The following ATM variants were observed in gnomAD, a reference collection of about 807,000 sequenced individuals.
ATM encodes the protein serine-protein kinase ATM.
A neutral mutation model predicts 387.0 loss-of-function variants in ATM; 308 were observed. That is an observed-to-expected ratio of 0.80 (90% CI 0.73 to 0.87). The LOEUF (loss-of-function observed/expected upper bound fraction) is 0.87. Among genes scored for constraint, ATM ranks in the 40% least tolerant of loss-of-function variants. The pLI, the probability that ATM is intolerant of heterozygous loss-of-function variation, is 0.00. For synonymous variants in ATM, 1,156 were observed against 1,187.3 expected (o/e 0.97, Z 0.54); for missense variants, 3,312 against 3,560.9 (o/e 0.93, Z 1.78).
intron 59 of ATM, among the ~76,000 whole-genome samples, chr11:108,350,950 T>A (rs2089131454): frequency 6.6e-6 from 1 of 152,198 alleles, no homozygotes; most frequent in Admixed American, 6.5e-5. Context: ...AATGCATACA[T>A]ATGTATAAAA....
At position 108,283,775 on chromosome 11, in the gene ATM, T is replaced by C. The variant is rs183464169; in HGVS notation, c.3747-452T>C. 7.2e-5 allele frequency among the ~76,000 whole-genome samples: 11 copies of C among 152,330 alleles called. No homozygotes were observed. In the East Asian group the frequency reaches 1.9e-3, roughly 27 times the overall value. ...ACGTATATGAAAAGTCAGTCCTCTG[T>C]ATATACAGACTTTCACATCCTGTGA... is the stretch of plus-strand genomic sequence containing the variant. On this transcript the variant is annotated intron_variant, in intron 25 of 62. Transcript: ENST00000675843.
At position 108,295,026 on chromosome 11, in the gene ATM, G is replaced by T. The variant is rs990760230; in HGVS notation, c.4876G>T (p.Asp1626Tyr). The T allele has an allele frequency of 6.2e-7, 1 of 1,613,818 alleles. No individual in the cohort carries two copies. Among genetic ancestry groups the T allele is most frequent in the African/African-American group, 1.3e-5 (1 of 74,916 alleles). ...DLRRQLELHK[D>Y]QMVDIMRASQ... is the part of the protein sequence containing the mutation. The stretch of plus-strand genomic sequence containing the variant: ...TCGAAGACAACTGGAACTACATAAA[G>T]ATCAGATGGTGGACATTATGAGAGC... Residue 1626 changes from aspartate (D) to tyrosine (Y), a missense_variant, in exon 32 of 63, where the codon GAT (aspartate) becomes TAT (tyrosine). Physicochemically the swap from Asp to Tyr is radical, Grantham distance 160. This residue lies in a region of ATM where 1,405 missense variants were observed against 1,604.4 expected (regional missense o/e 0.88). Coordinates refer to ENST00000675843, the MANE Select transcript of ATM (RefSeq NM_000051.4).
chr11:108,308,141 G>A, intron 38 of ATM, 157 bp downstream of exon 38: 1 of 743,862 alleles, frequency 1.3e-6, no homozygotes, highest in Non-Finnish European at 2.3e-6. Flanking sequence ...TCCATATTCA[G>A]GATAGCAGTT....
In ATM at chr11:108,256,208, C is replaced by CT. The variant is rs2135391852; in HGVS notation, c.2125-4dup. 7 of 1,598,706 alleles carry CT rather than the reference C, an allele frequency of 4.4e-6. No homozygotes were observed. The highest frequency in any genetic ancestry group is 2.3e-5 in the East Asian group (1 of 44,376). On this transcript the variant is annotated splice_region_variant and splice_polypyrimidine_tract_variant and intron_variant, in intron 13 of 62. Transcript: ENST00000675843. ...TATATATATTTTTATTTGTGGTTTA[C>CT]TTTAAGATTACAAATTCAGAAACTC...
chr11:108,224,857 T>G (rs1565339533), intron 1 of ATM: 1 of 152,254 alleles, frequency 6.6e-6, no homozygotes, highest in Admixed American at 6.5e-5. Context: ...GCTGCCCAGA[T>G]ATGACTTCAT....
rs2084522356 is a variant in ATM at position 108,315,274 on chromosome 11, A to G, written c.6007-549A>G. 2.6e-5 allele frequency among the ~76,000 whole-genome samples: 4 copies of G among 152,264 alleles called. No individual in the cohort carries two copies. In the South Asian group the frequency reaches 6.2e-4, roughly 24 times the overall value. ...TTATTACAATAGTACAATATGTACG[A>G]TAGTTAATCTTATGCAATTATGATT... On this transcript the variant is annotated intron_variant, in intron 40 of 62. Coordinates refer to ENST00000675843, the MANE Select transcript of ATM (RefSeq NM_000051.4).
At chr11:108,284,516 A>G (rs2082393154) in intron 26 of ATM, 43 bp downstream of exon 26, 1 of 1,607,788 alleles carries the variant, frequency 6.2e-7, no homozygotes, top group Non-Finnish European at 8.5e-7. Context: ...CCTGAATGAT[A>G]TGAGATATAA....
In ATM at chr11:108,253,908, A is replaced by C. The variant is rs1060501645; in HGVS notation, c.1993A>C (p.Ile665Leu). 2 of 1,614,112 alleles carry C rather than the reference A, an allele frequency of 1.2e-6. No homozygotes were observed. The highest frequency in any genetic ancestry group is 1.7e-6 in the Non-Finnish European group (2 of 1,179,982). Residue 665 changes from isoleucine to leucine, a missense_variant, in exon 13 of 63, where the codon ATT becomes CTT. Physicochemically the swap from Ile to Leu is conservative, Grantham distance 5. Coordinates refer to ENST00000675843, the MANE Select transcript of ATM (RefSeq NM_000051.4). ...TTTTGACAAGATGGACTTTTTAACC[A>C]TTGTGAGAGAATGTGGTATAGAAAA... is the stretch of plus-strand genomic sequence containing the variant. ...TTFDKMDFLT[I>L]VRECGIEKHQ...
At chr11:108,267,419 T>A (rs1049901019) in intron 17 of ATM, 77 bp downstream of exon 17, 4 of 1,336,162 alleles carry the variant, frequency 3.0e-6, no homozygotes, top group Non-Finnish European at 2.1e-6. Flanking sequence ...CTCATTGATA[T>A]CAATTTTGTG....
chr11:108,325,256 T>C (rs919555770), intron 45 of ATM, 54 bp from the exon 46 acceptor site: 8 of 1,033,054 alleles, frequency 7.7e-6, no homozygotes, highest in African/African-American at 1.7e-5. Flanking sequence ...ATAGTTTTTT[T>C]TTTTTTTTTT....
intron 56 of ATM, among the ~76,000 whole-genome samples, chr11:108,341,965 G>C (rs227073): frequency 0.51 from 77,232 of 152,044 alleles, 20,838 homozygotes; most frequent in Middle Eastern, 0.73. Flanking sequence ...TTAAATTCCT[G>C]GGTATATACC....
At chr11:108,282,001 T>C (rs1458862700) in intron 24 of ATM, among the ~76,000 whole-genome samples, 1 of 152,214 alleles carries the variant, frequency 6.6e-6, no homozygotes, top group African/African-American at 2.4e-5. Flanking sequence ...GGTCTCACTC[T>C]GTCACCCAAG....
At chr11:108,254,116 C>T in intron 13 of ATM, 77 bp downstream of exon 13, 1 of 1,373,746 alleles carries the variant, frequency 7.3e-7, no homozygotes, top group Non-Finnish European at 1.0e-6. Flanking sequence ...GAAATAGGGG[C>T]AGGAAAAACA....
At position 108,310,246 on chromosome 11, in the gene ATM, C is replaced by G. The variant is rs1591746083; in HGVS notation, c.5849C>G (p.Ala1950Gly). The G allele has an allele frequency of 6.2e-7, 1 of 1,613,486 alleles. No homozygotes were observed. Among genetic ancestry groups the G allele is most frequent in the South Asian group, 1.1e-5 (1 of 91,072 alleles). ...EVAKVAQSCA[A>G]HFTALLYAEI... ...GCCAAGGTAGCTCAGTCTTGTGCTG[C>G]TCACTTTACAGCTTTACTCTATGCA... Residue 1950 changes from alanine to glycine, a missense_variant, in exon 39 of 63, where the codon GCT becomes GGT. Ala to Gly is a moderately conservative substitution (Grantham distance 60). This residue lies in a region of ATM where 1,405 missense variants were observed against 1,604.4 expected (regional missense o/e 0.88). Coordinates refer to ENST00000675843, the MANE Select transcript of ATM (RefSeq NM_000051.4).
intron 53 of ATM, among the ~76,000 whole-genome samples, chr11:108,333,672 T>A (rs2086520462): frequency 6.6e-6 from 1 of 152,230 alleles, no homozygotes; most frequent in Non-Finnish European, 1.5e-5. Context: ...CCTTGTCAGG[T>A]AACCTGCAAA....
chr11:108,323,494 A>G (rs1431923276), intron 45 of ATM, among the ~76,000 whole-genome samples: 1 of 152,196 alleles, frequency 6.6e-6, no homozygotes, highest in Non-Finnish European at 1.5e-5. Context: ...ATAGCACAAT[A>G]GGGCAACTGT....
intron 4 of ATM, among the ~76,000 whole-genome samples, chr11:108,231,865 G>GGATA (rs1204343335): frequency 6.6e-6 from 1 of 152,130 alleles, no homozygotes; most frequent in Non-Finnish European, 1.5e-5. Flanking sequence ...GAGTTCGTGT[G>GGATA]GATAGCTTCA....
chr11:108,322,794 T>C lies in ATM; in HGVS notation c.6572+1374T>C, dbSNP rs2085330131. 3.3e-5 allele frequency among the ~76,000 whole-genome samples: 5 copies of C among 152,088 alleles called. No homozygotes were observed. The South Asian group carries it at 6.2e-4, about 19-fold the overall frequency. ...TTTTCCCTGGCCCACCCAGATAAAATTGTTTCCTCATGTTTTTGCACAGCA... is the reference window on the plus strand; with the variant it reads ...TTTTCCCTGGCCCACCCAGATAAAACTGTTTCCTCATGTTTTTGCACAGCA... On this transcript the variant is annotated intron_variant, in intron 45 of 62. Coordinates refer to ENST00000675843, the MANE Select transcript of ATM (RefSeq NM_000051.4).
At chr11:108,275,515 A>G (rs894252439) in intron 22 of ATM, among the ~76,000 whole-genome samples, 3 of 152,270 alleles carry the variant, frequency 2.0e-5, no homozygotes, top group Admixed American at 6.5e-5. Context: ...TTGCCTTTCC[A>G]TATTTAGTGC....
Sources: allele counts gnomAD v4.1 joint callset (sites outside exome capture counted in the v4.1 genomes callset), GRCh38; gene constraint gnomAD v4.1.1; regional missense constraint gnomAD v4.1.1; transcripts MANE v1.5; gene names NCBI Gene and HGNC (gene_info 2026-07-23, HGNC 2026-07-21).